Variants in EPHA6 observed in about 807,000 individuals in gnomAD.
EPHA6 encodes ephrin type-A receptor 6.
In EPHA6, 50 loss-of-function variants were observed where a neutral mutation model predicts 112.0. The observed-to-expected ratio is 0.45, with a 90% confidence interval of 0.36 to 0.56. The LOEUF is 0.56. Among genes scored for constraint, EPHA6 ranks in the 20% least tolerant of loss-of-function variants. EPHA6 has a pLI of 0.00. For missense variants in EPHA6, 1,280 were observed against 1,417.4 expected (o/e 0.90, Z 1.56); for synonymous variants, 529 against 490.7 (o/e 1.08, Z -1.03).
chr3:97,630,209 C>T (rs996802103), intron 13 of EPHA6, among the ~76,000 whole-genome samples: 9 of 151,796 alleles, frequency 5.9e-5, no homozygotes, highest in African/African-American at 2.2e-4. Context: ...CTCTCAACTA[C>T]AACTAAAAAT....
intron 11 of EPHA6, among the ~76,000 whole-genome samples, chr3:97,572,317 A>AT (rs1421167991): frequency 6.6e-6 from 1 of 151,608 alleles, no homozygotes; most frequent in Non-Finnish European, 1.5e-5. Flanking sequence ...CACCCAGCTA[A>AT]TTTTTTGTAT....
intron 6 of EPHA6, among the ~76,000 whole-genome samples, chr3:97,439,132 T>A (rs1260756709): frequency 6.6e-6 from 1 of 152,198 alleles, no homozygotes; most frequent in African/African-American, 2.4e-5. Context: ...CAGGAATGCA[T>A]TAAATATTCA....
In EPHA6 at chr3:97,518,101, T is replaced by C. The variant is rs556158721; in HGVS notation, c.2201-14257T>C. Among the ~76,000 whole-genome samples, 241 of 152,270 alleles carry C rather than the reference T, an allele frequency of 1.6e-3. 1 individual carries two copies. The highest frequency in any genetic ancestry group is 5.2e-3 in the African/African-American group (218 of 41,562). ...GCATATTGATTTCTCTTTCTTTGGG[T>C]ATATACCCAGAAGTGGGATTGATGG... On this transcript the variant is annotated intron_variant, in intron 10 of 17. Transcript: ENST00000389672.
Position 97,218,031 on chromosome 3 carries a change from C to G in EPHA6, c.1115-8233C>G, listed in dbSNP as rs1236348477. 2.6e-5 allele frequency among the ~76,000 whole-genome samples: 4 copies of G among 152,050 alleles called. No individual in the cohort carries two copies. In the East Asian group the frequency reaches 7.7e-4, roughly 29 times the overall value. On this transcript the variant is annotated intron_variant, in intron 3 of 17. Coordinates refer to ENST00000389672, the MANE Select transcript of EPHA6 (RefSeq NM_001080448.3). ...TATGCCTGTAGTCTCAGCACTTTGG[C>G]AGACCGAGGCAAGGCAGATCACTGA...
intron 3 of EPHA6, among the ~76,000 whole-genome samples, chr3:97,023,660 T>C (rs555333091): frequency 6.9e-6 from 1 of 144,110 alleles, no homozygotes; most frequent in Admixed American, 6.9e-5. Context: ...AAATGTTAAA[T>C]TTTTTTTTTT....
intron 12 of EPHA6, among the ~76,000 whole-genome samples, chr3:97,599,926 ATCCTC>A (rs2093629093): frequency 6.6e-6 from 1 of 151,688 alleles, no homozygotes; most frequent in African/African-American, 2.4e-5. Flanking sequence ...ATTTGTTTGT[ATCCTC>A]TTTTATTTCC....
chr3:96,874,953 T>G (rs1484598947), intron 2 of EPHA6, among the ~76,000 whole-genome samples: 2 of 152,028 alleles, frequency 1.3e-5, no homozygotes, highest in South Asian at 2.1e-4. Context: ...CATTCAGTAG[T>G]AGGAGGAGAA....
At chr3:97,594,601 G>T (rs923437390) in intron 12 of EPHA6, among the ~76,000 whole-genome samples, 3 of 152,058 alleles carry the variant, frequency 2.0e-5, no homozygotes, top group Non-Finnish European at 2.9e-5. Context: ...CTATTTCAAA[G>T]AATTTTTTTA....
chr3:96,866,307 A>G (rs1328106000), intron 1 of EPHA6, among the ~76,000 whole-genome samples: 3 of 152,098 alleles, frequency 2.0e-5, no homozygotes, highest in Non-Finnish European at 4.4e-5. Context: ...AGCCATAAGT[A>G]AACTACCTAG....
At chr3:96,942,028 G>A (rs2040982332) in intron 2 of EPHA6, among the ~76,000 whole-genome samples, 1 of 152,178 alleles carries the variant, frequency 6.6e-6, no homozygotes, top group South Asian at 2.1e-4. Context: ...GCCCCTACTG[G>A]GGGGTGCCTC....
chr3:97,152,603 T>A (rs1479182496), intron 3 of EPHA6, among the ~76,000 whole-genome samples: 2 of 152,002 alleles, frequency 1.3e-5, no homozygotes. Flanking sequence ...AGAATTAGAC[T>A]TTCCATCTTG....
chr3:97,253,013 T>A (rs972907473), intron 5 of EPHA6, among the ~76,000 whole-genome samples: 4 of 152,200 alleles, frequency 2.6e-5, no homozygotes, highest in Non-Finnish European at 5.9e-5. Context: ...GAAAAAAAGA[T>A]GCCTGTGTGT....
intron 5 of EPHA6, among the ~76,000 whole-genome samples, chr3:97,304,859 C>A (rs1379982494): frequency 6.6e-6 from 1 of 151,948 alleles, no homozygotes; most frequent in Non-Finnish European, 1.5e-5. Context: ...ACAACAAAAG[C>A]AATTGCAACA....
At chr3:97,467,453 C>T (rs1468175176) in intron 7 of EPHA6, among the ~76,000 whole-genome samples, 1 of 151,692 alleles carries the variant, frequency 6.6e-6, no homozygotes, top group African/African-American at 2.4e-5. Context: ...GCTATAACCC[C>T]AAGTGCATAG....
At chr3:97,280,607 C>A (rs78249989) in intron 5 of EPHA6, among the ~76,000 whole-genome samples, 1 of 152,168 alleles carries the variant, frequency 6.6e-6, no homozygotes, top group East Asian at 1.9e-4. Flanking sequence ...TCGAGCACAC[C>A]TATAATTTTC....
chr3:96,879,567 GCATATTTCAAAAGAAC>G (rs2037184325), intron 2 of EPHA6, among the ~76,000 whole-genome samples: 1 of 151,940 alleles, frequency 6.6e-6, no homozygotes, highest in Non-Finnish European at 1.5e-5. Flanking sequence ...CAATAATATT[GCATATTTCAAAAGAAC>G]TAGAATTGCT....
intron 6 of EPHA6, among the ~76,000 whole-genome samples, chr3:97,443,549 C>T (rs772915542): frequency 2.0e-5 from 3 of 151,984 alleles, no homozygotes; most frequent in East Asian, 3.9e-4. Flanking sequence ...CAGGCTTGAA[C>T]GAGAATACTG....
rs551398097 is a variant in EPHA6, at chr3:97,222,499, T to C, written c.1115-3765T>C. Reference sequence around the variant, plus strand: ...TTTGCATTAGGAGTAATATCCAAGTTCACATTAATAATAATTTCAAATGGA... The same window carrying C: ...TTTGCATTAGGAGTAATATCCAAGTCCACATTAATAATAATTTCAAATGGA... On this transcript the variant is annotated intron_variant, in intron 3 of 17. Transcript: ENST00000389672. Among the ~76,000 whole-genome samples, 454 of 152,296 alleles carry C rather than the reference T, an allele frequency of 3.0e-3. 4 individuals are homozygous for C. The South Asian group carries it at 0.052, about 18-fold the overall frequency.
intron 3 of EPHA6, among the ~76,000 whole-genome samples, chr3:97,028,246 G>T (rs895801652): frequency 6.1e-5 from 9 of 146,652 alleles, no homozygotes; most frequent in Non-Finnish European, 1.3e-4. Flanking sequence ...AATTTCCCTG[G>T]TGAATTTGTA....
Sources: gnomAD v4.1 joint callset for allele counts (sites outside exome capture counted in the v4.1 genomes callset) on GRCh38, gnomAD v4.1.1 for gene constraint, MANE v1.5 for transcripts, NCBI Gene and HGNC (gene_info 2026-07-23, HGNC 2026-07-21) for gene names.